Variants in PRRC2B observed in about 807,000 individuals in gnomAD.
PRRC2B encodes the protein protein PRRC2B.
In PRRC2B, 68 loss-of-function variants were observed where a neutral mutation model predicts 242.3. The observed-to-expected ratio is 0.28, with a 90% CI of 0.23 to 0.34. PRRC2B has a LOEUF of 0.34. Ranked by LOEUF, PRRC2B falls within the 10% of genes least tolerant of loss-of-function variation. The probability of loss-of-function intolerance (pLI) is 1.00; values close to 1 mark genes in which losing one functional copy is unlikely to be tolerated. For synonymous variants in PRRC2B, 1,228 were observed against 1,173.6 expected (o/e 1.05, Z -0.95); for missense variants, 2,835 against 2,954.8 (o/e 0.96, Z 0.94).
At position 131,475,298 on chromosome 9, in the gene PRRC2B, G is replaced by A; in HGVS notation, c.3169G>A (p.Ala1057Thr). ...CTGGATCTTTATTGATGAGGAGCAAGCCTTTGGGGTCAGAGGACAGGCCCG... is the reference window on the plus strand; with the variant it reads ...CTGGATCTTTATTGATGAGGAGCAAACCTTTGGGGTCAGAGGACAGGCCCG... ...NNWIFIDEEQ[A>T]FGVRGQARGR... The change falls in exon 16 of 32, where the codon GCC becomes ACC. Residue 1057 changes from alanine (A) to threonine (T), a missense_variant. Ala to Thr is a moderately conservative substitution (Grantham distance 58). Transcript: ENST00000683519. 6.2e-7 allele frequency: 1 copy of A among 1,608,384 alleles called. No individual in the cohort carries two copies. Among genetic ancestry groups the A allele is most frequent in the Non-Finnish European group, 8.5e-7 (1 of 1,177,826 alleles).
intron 6 of PRRC2B, 55 bp downstream of exon 6, chr9:131,444,383 A>T (rs1838716534): frequency 6.4e-7 from 1 of 1,569,652 alleles, no homozygotes; most frequent in Non-Finnish European, 8.6e-7. Context: ...TCCTCCTCTC[A>T]TCTCTCTGCA....
intron 1 of PRRC2B, among the ~76,000 whole-genome samples, chr9:131,401,386 T>C (rs537057654): frequency 1.5e-4 from 20 of 135,226 alleles, no homozygotes; most frequent in African/African-American, 5.2e-4. Context: ...TTCTTTCTCC[T>C]TTTTTTTTTT....
At chr9:131,480,101 C>T (rs909149800) in intron 19 of PRRC2B, among the ~76,000 whole-genome samples, 1 of 152,130 alleles carries the variant, frequency 6.6e-6, no homozygotes, top group African/African-American at 2.4e-5. Flanking sequence ...AGCTCAGGCC[C>T]ATGAGGGGAG....
intron 1 of PRRC2B, among the ~76,000 whole-genome samples, chr9:131,411,550 G>T (rs1837509658): frequency 6.6e-6 from 1 of 151,720 alleles, no homozygotes; most frequent in Non-Finnish European, 1.5e-5. Context: ...GTTTCACTGT[G>T]TTCAGGATGG....
At chr9:131,394,609 A>C (rs1008511365) in intron 1 of PRRC2B, among the ~76,000 whole-genome samples, 4 of 150,852 alleles carry the variant, frequency 2.7e-5, no homozygotes, top group African/African-American at 9.7e-5. Context: ...GCCGGGCTGC[A>C]GAGGCCGGAG....
rs1267928131 is a variant in PRRC2B, at chr9:131,475,783, C to G, written c.3654C>G (p.Thr1218=). The part of the protein sequence containing the change: ...RLSNCGYGRR[T]FVSKESPHWQ... ...GCAATTGCGGGTATGGACGGAGAAC[C>G]TTCGTCTCCAAAGAGTCACCCCACT... The change falls in exon 16 of 32, where the codon ACC becomes ACG. Residue 1218 remains threonine (T), a synonymous_variant. Coordinates refer to ENST00000683519, the MANE Select transcript of PRRC2B (RefSeq NM_013318.4). 9 of 1,613,352 alleles carry G rather than the reference C, an allele frequency of 5.6e-6. No individual in the cohort carries two copies. Among genetic ancestry groups the G allele is most frequent in the Admixed American group, 5.0e-5 (3 of 59,966 alleles).
rs564632113 is a variant in PRRC2B, at chr9:131,385,157, G to A, written c.-56+11426G>A. On this transcript the variant is annotated intron_variant, in intron 1 of 1. Coordinates refer to the PRRC2B transcript ENST00000682525. ...CGAGTAGCTGGGATTACAGGCATGAGCTACACCAGTAAGTTTCCTAATATT... is the reference window on the plus strand; with the variant it reads ...CGAGTAGCTGGGATTACAGGCATGAACTACACCAGTAAGTTTCCTAATATT... Among the ~76,000 whole-genome samples, 24 of 149,862 alleles carry A rather than the reference G, an allele frequency of 1.6e-4. 1 individual carries two copies. The highest frequency in any genetic ancestry group is 5.3e-4 in the African/African-American group (22 of 41,220).
In PRRC2B at chr9:131,495,971, TC is replaced by T; in HGVS notation, c.*99del. On this transcript the variant is annotated 3_prime_UTR_variant, in exon 32 of 32. Transcript: ENST00000683519. ...CTCGGGAGCCTCACCAGATCCACCG[TC>T]CAAATGCGTGGCCCAGACTGAGAGA... is the stretch of plus-strand genomic sequence containing the variant. 6.6e-7 allele frequency: 1 copy of T among 1,510,348 alleles called. No homozygotes were observed. The highest frequency in any genetic ancestry group is 1.2e-5 in the South Asian group (1 of 83,110). The allele number at this position is 1,510,348 out of a possible 1,614,324, so 93.6% of individuals were successfully genotyped here.
At chr9:131,449,728 A>G (rs1942851422) in intron 9 of PRRC2B, among the ~76,000 whole-genome samples, 7 of 152,148 alleles carry the variant, frequency 4.6e-5, no homozygotes, top group Admixed American at 4.6e-4. Flanking sequence ...GGTGAGCAGA[A>G]GTTTGAATTT....
chr9:131,403,192 T>TGCCC (rs774144055), intron 1 of PRRC2B, among the ~76,000 whole-genome samples: 11 of 152,332 alleles, frequency 7.2e-5, no homozygotes, highest in Admixed American at 5.2e-4. Context: ...CCTGCCTGCC[T>TGCCC]GCCCAACCGA....
intron 11 of PRRC2B, among the ~76,000 whole-genome samples, chr9:131,460,842 C>T (rs1038284572): frequency 6.6e-6 from 1 of 152,126 alleles, no homozygotes; most frequent in African/African-American, 2.4e-5. Context: ...GTCCTAGTTC[C>T]TCTTAGTGAA....
intron 3 of PRRC2B, among the ~76,000 whole-genome samples, chr9:131,434,525 G>A (rs1344661826): frequency 6.6e-6 from 1 of 152,240 alleles, no homozygotes; most frequent in Non-Finnish European, 1.5e-5. Flanking sequence ...TGGGGACTCA[G>A]TGCTTAGTTT....
At chr9:131,456,980 G>C (rs1361736611) in intron 10 of PRRC2B, among the ~76,000 whole-genome samples, 1 of 152,184 alleles carries the variant, frequency 6.6e-6, no homozygotes, top group Non-Finnish European at 1.5e-5. Flanking sequence ...ATGCTTTGCT[G>C]TTGGTCTTGC....
At chr9:131,488,490 A>G (rs560721393) in intron 28 of PRRC2B, among the ~76,000 whole-genome samples, 1 of 152,096 alleles carries the variant, frequency 6.6e-6, no homozygotes, top group East Asian at 1.9e-4. Context: ...CGAACCCCTG[A>G]CCTCAAAGTG....
intron 1 of PRRC2B, among the ~76,000 whole-genome samples, chr9:131,406,946 G>T (rs772925263): frequency 6.6e-6 from 1 of 152,226 alleles, no homozygotes; most frequent in Non-Finnish European, 1.5e-5. Flanking sequence ...TAAGGGGACT[G>T]TTTTAACTGT....
chr9:131,436,046 T>C (rs1391598939), intron 3 of PRRC2B, among the ~76,000 whole-genome samples: 5 of 152,224 alleles, frequency 3.3e-5, no homozygotes. Context: ...AAGTCAGCCC[T>C]CTGAGTAGGT....
intron 29 of PRRC2B, 139 bp from the exon 30 acceptor site, chr9:131,492,029 CA>C: frequency 1.9e-5 from 13 of 669,086 alleles, no homozygotes; most frequent in Non-Finnish European, 3.1e-5. Context: ...GCCCTGGTGC[CA>C]AAAACCACTG....
In PRRC2B at chr9:131,447,647, C is replaced by T. The variant is rs1564286970; in HGVS notation, c.978-15C>T. On this transcript the variant is annotated splice_polypyrimidine_tract_variant and intron_variant, in intron 8 of 31. Coordinates refer to ENST00000683519, the MANE Select transcript of PRRC2B (RefSeq NM_013318.4). ...TGTATACTGGACATGATTCCATCATCTTTTCTTTTATCAGAAAAGAAAACA... is the reference window on the plus strand; with the variant it reads ...TGTATACTGGACATGATTCCATCATTTTTTCTTTTATCAGAAAAGAAAACA... 20 of 1,575,102 alleles carry T rather than the reference C, an allele frequency of 1.3e-5. No homozygotes were observed. The South Asian group carries it at 1.6e-4, about 13-fold the overall frequency.
intron 11 of PRRC2B, among the ~76,000 whole-genome samples, chr9:131,463,628 CTTT>C (rs374951504): frequency 3.0e-4 from 38 of 125,776 alleles, no homozygotes; most frequent in African/African-American, 4.5e-4. Flanking sequence ...TTTAGGCATG[CTTT>C]TTTTTTTTTT....
Sources: allele counts gnomAD v4.1 joint callset (sites outside exome capture counted in the v4.1 genomes callset), GRCh38; gene constraint gnomAD v4.1.1; transcripts MANE v1.5; gene names NCBI Gene and HGNC (gene_info 2026-07-23, HGNC 2026-07-21).